Variants in PRKAG2 observed in about 807,000 individuals in gnomAD.
PRKAG2 encodes the protein 5'-AMP-activated protein kinase subunit gamma-2.
PRKAG2 carries 26 observed loss-of-function variants against 69.6 expected under a neutral mutation model. That is an observed-to-expected ratio of 0.37 (90% CI 0.27 to 0.52). The LOEUF (loss-of-function observed/expected upper bound fraction) is 0.52. PRKAG2 is among the 20% of genes least tolerant of loss of function. PRKAG2 has a pLI of 0.90. For missense variants in PRKAG2, 557 were observed against 740.0 expected, an observed-to-expected ratio of 0.75 and a Z score of 2.87; for synonymous variants, 293 against 285.0, an observed-to-expected ratio of 1.03 and a Z score of -0.28.
At chr7:151,690,780 T>C (rs774860365) in intron 3 of PRKAG2, among the ~76,000 whole-genome samples, 15 of 152,178 alleles carry the variant, frequency 9.9e-5, no homozygotes, top group Non-Finnish European at 2.1e-4. Context: ...GTTTCTAGAG[T>C]GAATCATTCC....
chr7:151,635,684 C>T (rs1447985855), intron 4 of PRKAG2, among the ~76,000 whole-genome samples: 2 of 151,916 alleles, frequency 1.3e-5, no homozygotes, highest in Non-Finnish European at 2.9e-5. Flanking sequence ...GGATCAGGGG[C>T]TGGGGTAGGG....
chr7:151,675,245 A>C, intron 4 of PRKAG2, 175 bp downstream of exon 4: 3 of 740,232 alleles, frequency 4.1e-6, no homozygotes, highest in Admixed American at 4.1e-5. Context: ...TCCATTTGCT[A>C]TTGTGCCCTC....
rs541557351 is a variant in PRKAG2 at position 151,732,680 on chromosome 7, C to T, written c.466+48472G>A. On this transcript the variant is annotated intron_variant, in intron 3 of 15. Transcript: ENST00000287878. ...CCCCTGTTCACAAGCAGCCAGATCA[C>T]AGAAAAGGCACCCAGAGTGGTTTTT... 7.6e-4 allele frequency among the ~76,000 whole-genome samples: 115 copies of T among 152,248 alleles called. 1 individual carries two copies. The highest frequency in any genetic ancestry group is 2.7e-3 in the African/African-American group (112 of 41,560).
At chr7:151,688,469 T>G (rs10269870) in intron 3 of PRKAG2, among the ~76,000 whole-genome samples, 24,904 of 152,122 alleles carry the variant, frequency 0.16, 2,127 homozygotes, top group Middle Eastern at 0.26. Context: ...CCCGATGAGA[T>G]GCGGTGTGGG....
intron 3 of PRKAG2, among the ~76,000 whole-genome samples, chr7:151,706,714 C>T (rs1838681377): frequency 6.6e-6 from 1 of 152,248 alleles, no homozygotes; most frequent in Non-Finnish European, 1.5e-5. Context: ...GGCTGTCTCC[C>T]AGACTAGGCG....
rs1380897149 is a variant in PRKAG2 at position 151,756,591 on chromosome 7, C to T, written c.466+24561G>A. 6.6e-6 allele frequency among the ~76,000 whole-genome samples: 1 copy of T among 152,234 alleles called. No homozygotes were observed. Among genetic ancestry groups the T allele is most frequent in the African/African-American group, 2.4e-5 (1 of 41,458 alleles). On this transcript the variant is annotated intron_variant, in intron 3 of 15. Transcript: ENST00000287878. This position sits in a 1 kb window ranked among gnomAD's most constrained non-coding sequence, Gnocchi z 4.9. ...CGCTGGGCAGGAGACAGGGAGACAC[C>T]TTGGGCAACATCTGACCATAGCTAC...
chr7:151,816,167 A>G (rs2078633545), intron 1 of PRKAG2, among the ~76,000 whole-genome samples: 1 of 152,074 alleles, frequency 6.6e-6, no homozygotes, highest in Non-Finnish European at 1.5e-5. Context: ...TGGCTTTCTT[A>G]AAGTCACTTT....
chr7:151,575,025 G>A (rs555116004), intron 7 of PRKAG2, 76 bp from the exon 8 acceptor site: 1 of 1,579,742 alleles, frequency 6.3e-7, no homozygotes, highest in East Asian at 2.3e-5. Context: ...AGTGAGCCTA[G>A]AATATATGCT....
At chr7:151,610,897 G>A (rs973946364) in intron 5 of PRKAG2, among the ~76,000 whole-genome samples, 13 of 151,356 alleles carry the variant, frequency 8.6e-5, no homozygotes, top group African/African-American at 2.4e-4. Context: ...GATTTCAGGC[G>A]CCCACCCCCA....
Position 151,632,557 on chromosome 7 carries a change from C to T in PRKAG2, c.685-419G>A. ...CCGCGGCCCGCCCCCACTCCGCCCC[C>T]CGGCGCCGCTCACCTTCCCAGCACC... On this transcript the variant is annotated intron_variant, in intron 4 of 15. Transcript: ENST00000287878. This position sits in a 1 kb window ranked among gnomAD's most constrained non-coding sequence, Gnocchi z 4.2. 1.0e-6 allele frequency: 1 copy of T among 984,564 alleles called. No individual in the cohort carries two copies. The highest frequency in any genetic ancestry group is 1.2e-6 in the Non-Finnish European group (1 of 829,472). The allele number at this position is 984,564 out of a possible 1,614,324, so 61.0% of individuals were successfully genotyped here.
chr7:151,736,295 A>G, intron 3 of PRKAG2: 1 of 1,222,258 alleles, frequency 8.2e-7, no homozygotes. Flanking sequence ...GTCCTTAAGT[A>G]GCAAGAAGCT....
Position 151,595,423 on chromosome 7 carries a change from C to T in PRKAG2, c.786G>A (p.Met262Ile), listed in dbSNP as rs756526745. 5.0e-6 allele frequency: 8 copies of T among 1,613,894 alleles called. No homozygotes were observed. The highest frequency in any genetic ancestry group is 5.9e-6 in the Non-Finnish European group (7 of 1,179,916). Residue 262 changes from methionine to isoleucine, a missense_variant, in exon 6 of 16, where the codon ATG becomes ATA. By Grantham distance (10) the Met-to-Ile change is conservative (BLOSUM62 1). Around this residue, in one of 2 missense-constraint regions of PRKAG2, gnomAD observed 205 missense variants for 383.4 expected, o/e 0.53. Transcript: ENST00000287878. Reference protein sequence around the residue: ...AVEDSESGVYMRFMRSHKCYD... With the variant: ...AVEDSESGVYIRFMRSHKCYD... ...AACACTTGTGTGACCTCATGAATCGCATGTAAACACCACTTTCTGAGTCTT... is the reference window on the plus strand; with the variant it reads ...AACACTTGTGTGACCTCATGAATCGTATGTAAACACCACTTTCTGAGTCTT...
At chr7:151,815,441 A>G (rs1586656930) in intron 1 of PRKAG2, among the ~76,000 whole-genome samples, 1 of 151,602 alleles carries the variant, frequency 6.6e-6, no homozygotes, top group Admixed American at 6.6e-5. Context: ...GGGCTCTCAC[A>G]CCCCAGGCCA....
intron 1 of PRKAG2, among the ~76,000 whole-genome samples, chr7:151,864,568 C>T (rs58206421): frequency 0.022 from 3,285 of 152,314 alleles, 113 homozygotes; most frequent in African/African-American, 0.068. Context: ...TTTGAAAATA[C>T]TCTATTACCT....
At chr7:151,746,837 T>G (rs2074314014) in intron 3 of PRKAG2, among the ~76,000 whole-genome samples, 1 of 152,178 alleles carries the variant, frequency 6.6e-6, no homozygotes, top group Admixed American at 6.5e-5. Flanking sequence ...GCTCCACACC[T>G]TGGCAGAACC....
intron 3 of PRKAG2, among the ~76,000 whole-genome samples, chr7:151,701,026 A>C (rs1293251116): frequency 6.6e-6 from 1 of 152,146 alleles, no homozygotes; most frequent in Admixed American, 6.5e-5. Context: ...TGCACACACG[A>C]GCACCCAGCA....
chr7:151,573,155 C>T (rs1808024934), intron 8 of PRKAG2, among the ~76,000 whole-genome samples: 1 of 149,298 alleles, frequency 6.7e-6, no homozygotes. Flanking sequence ...AAAAATGTAT[C>T]TCAAGTTTTT....
chr7:151,729,743 T>C (rs1055773184), intron 3 of PRKAG2, among the ~76,000 whole-genome samples: 2 of 151,954 alleles, frequency 1.3e-5, no homozygotes, highest in Non-Finnish European at 2.9e-5. Flanking sequence ...TCGGAGTCCC[T>C]AGAACACACC....
intron 3 of PRKAG2, among the ~76,000 whole-genome samples, chr7:151,682,705 G>A (rs971223675): frequency 2.6e-5 from 4 of 151,998 alleles, no homozygotes; most frequent in African/African-American, 9.7e-5. Flanking sequence ...GCAAGTCCCT[G>A]TAGTCTGTAG....
Sources: gnomAD v4.1 joint callset for allele counts (sites outside exome capture counted in the v4.1 genomes callset) on GRCh38, gnomAD v4.1.1 for gene constraint, gnomAD v4.1.1 regional missense constraint, Gnocchi (gnomAD v3.1) non-coding constraint, MANE v1.5 for transcripts, NCBI Gene and HGNC (gene_info 2026-07-23, HGNC 2026-07-21) for gene names.